The following EPS15L1 variants were observed in gnomAD, a reference collection of about 807,000 sequenced individuals.
EPS15L1 encodes epidermal growth factor receptor pathway substrate 15 like 1.
EPS15L1 carries 43 observed loss-of-function variants against 117.1 expected under a neutral mutation model. The ratio of observed to expected loss-of-function variants is 0.37; its 90% CI spans 0.29 to 0.47. EPS15L1 has a LOEUF of 0.47. EPS15L1 is among the 20% of genes least tolerant of loss of function. The probability of loss-of-function intolerance (pLI) is 0.99; values close to 1 mark genes in which losing one functional copy is unlikely to be tolerated. For synonymous variants in EPS15L1, 459 were observed against 470.5 expected, an observed-to-expected ratio of 0.98 and a Z score of 0.32; for missense variants, 981 against 1,164.0, an observed-to-expected ratio of 0.84 and a Z score of 2.29.
rs1599532458 is a variant in EPS15L1, at chr19:16,369,726, T to C, written c.2380+7396A>G. Among the ~76,000 whole-genome samples, 3 of 142,928 alleles carry C rather than the reference T, an allele frequency of 2.1e-5. No individual in the cohort carries two copies. The East Asian group carries it at 6.0e-4, about 29-fold the overall frequency. The allele number at this position is 142,928 out of a possible 152,430, so 93.8% of individuals were successfully genotyped here. On this transcript the variant is annotated intron_variant, in intron 22 of 23. Transcript: ENST00000455140. ...GTGTGTGTAGGGTGGGGTATGTGAT[T>C]TGGAAATGAATTTACAAATCACAAG...
chr19:16,438,177 A>C (rs924285131), intron 4 of EPS15L1, among the ~76,000 whole-genome samples: 3 of 152,046 alleles, frequency 2.0e-5, no homozygotes, highest in African/African-American at 7.3e-5. Context: ...ACATGGCGAA[A>C]CCTCATTTCT....
chr19:16,421,181 G>T, intron 10 of EPS15L1, 138 bp downstream of exon 10: 1 of 961,228 alleles, frequency 1.0e-6, no homozygotes, highest in East Asian at 2.7e-5. Context: ...TGTCAGGCCA[G>T]GGAGAATAAA....
intron 8 of EPS15L1, among the ~76,000 whole-genome samples, 184 bp from the exon 9 acceptor site, chr19:16,425,500 CAT>C (rs766683768): frequency 3.3e-5 from 5 of 152,338 alleles, no homozygotes; most frequent in Admixed American, 6.5e-5. Context: ...CTTTCCAAGA[CAT>C]GTGTTGAATT....
intron 15 of EPS15L1, among the ~76,000 whole-genome samples, chr19:16,403,237 C>A (rs376405108): frequency 1.3e-4 from 20 of 152,272 alleles, no homozygotes; most frequent in South Asian, 6.2e-4. Flanking sequence ...AGCGCCCCCC[C>A]CTGGACTGGG....
chr19:16,443,889 C>T (rs900980788), intron 1 of EPS15L1, among the ~76,000 whole-genome samples: 3 of 150,926 alleles, frequency 2.0e-5, no homozygotes, highest in Non-Finnish European at 4.4e-5. Flanking sequence ...ATAGTGAAAC[C>T]CCGTCTCTAC....
At chr19:16,393,648 C>CA (rs919891560) in intron 18 of EPS15L1, among the ~76,000 whole-genome samples, 1,085 of 81,440 alleles carry the variant, frequency 0.013, 11 homozygotes, top group African/African-American at 0.034. Flanking sequence ...GACTCCGTCT[C>CA]AAAAAAAAAA....
At chr19:16,457,600 G>A (rs1486732484) in intron 1 of EPS15L1, among the ~76,000 whole-genome samples, 1 of 152,112 alleles carries the variant, frequency 6.6e-6, no homozygotes, top group Admixed American at 6.6e-5. Flanking sequence ...GTCTTGTGCA[G>A]CCATGCAGAG....
intron 9 of EPS15L1, 72 bp from the exon 10 acceptor site, chr19:16,421,548 T>C: frequency 1.1e-5 from 17 of 1,497,622 alleles, no homozygotes; most frequent in Non-Finnish European, 1.3e-5. Context: ...TTTTTGATGA[T>C]GGGGCGATTA....
chr19:16,388,125 C>T (rs969703862), intron 19 of EPS15L1, among the ~76,000 whole-genome samples: 3 of 152,172 alleles, frequency 2.0e-5, no homozygotes, highest in African/African-American at 7.2e-5. Flanking sequence ...TCACTGCAAC[C>T]TCTGACTCCC....
At chr19:16,435,708 A>G (rs1039006644) in intron 6 of EPS15L1, among the ~76,000 whole-genome samples, 1 of 152,090 alleles carries the variant, frequency 6.6e-6, no homozygotes, top group Non-Finnish European at 1.5e-5. Flanking sequence ...CAGTGCCTTC[A>G]GAAGCCCAGA....
At chr19:16,375,926 G>T (rs917972157) in intron 22 of EPS15L1, among the ~76,000 whole-genome samples, 3 of 152,206 alleles carry the variant, frequency 2.0e-5, no homozygotes, top group African/African-American at 7.2e-5. Context: ...GGTGGCCGAG[G>T]TGCAGGACCG....
At chr19:16,445,979 G>A (rs987506024) in intron 1 of EPS15L1, among the ~76,000 whole-genome samples, 16 of 152,162 alleles carry the variant, frequency 1.1e-4, no homozygotes, top group African/African-American at 3.6e-4. Flanking sequence ...CTTTCAGCTC[G>A]GTCTTTCAGT....
intron 21 of EPS15L1, among the ~76,000 whole-genome samples, chr19:16,378,760 G>A (rs146551807): frequency 1.6e-4 from 24 of 152,308 alleles, no homozygotes; most frequent in East Asian, 1.5e-3. Context: ...TATCTCAGGC[G>A]TCTGAGGGAA....
chr19:16,376,665 G>A (rs1025173030), intron 22 of EPS15L1, among the ~76,000 whole-genome samples: 1 of 152,204 alleles, frequency 6.6e-6, no homozygotes, highest in East Asian at 1.9e-4. Flanking sequence ...ACCAAGCAGC[G>A]ACTCCTGCCA....
In EPS15L1 at chr19:16,417,590, C is replaced by T. The variant is rs201175190; in HGVS notation, c.1155G>A (p.Glu385=). ...LGSGEFTGVK[E]LDDISQEIAQ... Reference sequence around the variant, plus strand: ...CAATCTCTTGACTGATGTCATCAAGCTCCTTCACGCCAGTAAACTCCCCGG... The same window carrying T: ...CAATCTCTTGACTGATGTCATCAAGTTCCTTCACGCCAGTAAACTCCCCGG... The change falls in exon 12 of 24, where the codon GAG becomes GAA. Residue 385 remains glutamate (E), a synonymous_variant. Coordinates refer to ENST00000455140, the MANE Select transcript of EPS15L1 (RefSeq NM_001258374.3). 1.9e-6 allele frequency: 3 copies of T among 1,614,184 alleles called. No individual in the cohort carries two copies. In the African/African-American group the frequency reaches 4.0e-5, roughly 22 times the overall value.
intron 1 of EPS15L1, among the ~76,000 whole-genome samples, chr19:16,450,627 C>G (rs536303543): frequency 1.3e-4 from 19 of 151,920 alleles, no homozygotes; most frequent in African/African-American, 4.1e-4. Context: ...ATTACAGATG[C>G]ATGCCAACAC....
intron 22 of EPS15L1, among the ~76,000 whole-genome samples, chr19:16,369,838 C>A (rs1318354771): frequency 1.3e-5 from 2 of 152,152 alleles, no homozygotes; most frequent in Non-Finnish European, 2.9e-5. Context: ...CTGGCGGGCA[C>A]CTTTGACATA....
rs558990333 is a variant in EPS15L1 at position 16,361,780 on chromosome 19, G to T, written c.2585C>A (p.Ser862Tyr). Reference sequence around the variant, plus strand: ...CCGGAGGCGGAGGACTCAACTTACAGAGGTGAAGTCTGCAAAGCCCGAGGC... The same window carrying T: ...CCGGAGGCGGAGGACTCAACTTACATAGGTGAAGTCTGCAAAGCCCGAGGC... ...ASASGFADFTSFGNEEQQLAW... is the reference protein window; with the variant it reads ...ASASGFADFTYFGNEEQQLAW... Residue 862 changes from serine to tyrosine, a missense_variant and splice_region_variant, in exon 23 of 24, where the codon TCT becomes TAT. Ser to Tyr is a moderately radical substitution (Grantham distance 144). Transcript: ENST00000455140. The T allele has an allele frequency of 1.2e-6, 2 of 1,612,790 alleles. No individual in the cohort carries two copies. The highest frequency in any genetic ancestry group is 1.7e-6 in the Non-Finnish European group (2 of 1,179,524).
chr19:16,456,254 G>A (rs2093195202), intron 1 of EPS15L1, among the ~76,000 whole-genome samples: 1 of 152,168 alleles, frequency 6.6e-6, no homozygotes, highest in African/African-American at 2.4e-5. Context: ...GGATTCCCCA[G>A]CTCTCCCTTC....
Sources: gnomAD v4.1 joint callset for allele counts (sites outside exome capture counted in the v4.1 genomes callset) on GRCh38, gnomAD v4.1.1 for gene constraint, MANE v1.5 for transcripts, NCBI Gene and HGNC (gene_info 2026-07-23, HGNC 2026-07-21) for gene names.